The following PPARGC1A variants were observed in gnomAD, a reference collection of about 807,000 sequenced individuals.
PPARGC1A encodes the protein peroxisome proliferator-activated receptor gamma coactivator 1-alpha.
Under a neutral mutation model 88.7 loss-of-function variants are expected in PPARGC1A, and 25 were observed. That is an observed-to-expected ratio of 0.28 (90% CI 0.21 to 0.39). PPARGC1A has a LOEUF of 0.39. Ranked by LOEUF, PPARGC1A falls within the 10% of genes least tolerant of loss-of-function variation. The pLI, the probability that PPARGC1A is intolerant of heterozygous loss-of-function variation, is 1.00. For synonymous variants in PPARGC1A, 363 were observed against 355.6 expected, an observed-to-expected ratio of 1.02 and a Z score of -0.24; for missense variants, 880 against 968.7, an observed-to-expected ratio of 0.91 and a Z score of 1.22.
intron 2 of PPARGC1A, among the ~76,000 whole-genome samples, chr4:23,836,723 C>T (rs144474804): frequency 6.6e-6 from 1 of 152,252 alleles, no homozygotes; most frequent in East Asian, 1.9e-4. Context: ...GCCAGGGGCA[C>T]CTCTACATTA....
At chr4:23,857,091 A>G (rs1422174823) in intron 2 of PPARGC1A, among the ~76,000 whole-genome samples, 1 of 152,062 alleles carries the variant, frequency 6.6e-6, no homozygotes, top group Non-Finnish European at 1.5e-5. Flanking sequence ...AGAGACACAC[A>G]AATGATTTCT....
At chr4:24,009,498 G>C in the PPARGC1A span, among the ~76,000 whole-genome samples, 1 of 152,190 alleles carries the variant, frequency 6.6e-6, no homozygotes, top group Non-Finnish European at 1.5e-5. Context: ...CAGCCCATTA[G>C]GATGACAGGC....
At chr4:24,236,663 G>C in the PPARGC1A span, among the ~76,000 whole-genome samples, 1 of 152,136 alleles carries the variant, frequency 6.6e-6, no homozygotes, top group Non-Finnish European at 1.5e-5. Context: ...TGTGCCCTGA[G>C]CCTTTCAAAC....
At chr4:24,418,476 A>G in the PPARGC1A span, among the ~76,000 whole-genome samples, 1 of 152,214 alleles carries the variant, frequency 6.6e-6, no homozygotes, top group Non-Finnish European at 1.5e-5. Context: ...GAGAAGCAAC[A>G]CAGACATTCT....
chr4:23,966,289 A>G, the PPARGC1A span, among the ~76,000 whole-genome samples: 1 of 152,268 alleles, frequency 6.6e-6, no homozygotes, highest in East Asian at 1.9e-4. Flanking sequence ...TTCTGCAATC[A>G]TGGAAATGTT....
At chr4:24,049,308 G>GTGTATATATATATATA in the PPARGC1A span, among the ~76,000 whole-genome samples, 1,149 of 139,502 alleles carry the variant, frequency 8.2e-3, 8 homozygotes, top group Non-Finnish European at 0.012. Flanking sequence ...ATATATGTGT[G>GTGTATATATATATATA]TATATATATA....
the PPARGC1A span, among the ~76,000 whole-genome samples, chr4:24,119,465 G>A: frequency 6.6e-6 from 1 of 152,140 alleles, no homozygotes; most frequent in Non-Finnish European, 1.5e-5. Context: ...TGTGGCAACT[G>A]AGCAGTCAAA....
At chr4:24,374,784 T>C in the PPARGC1A span, among the ~76,000 whole-genome samples, 8 of 152,206 alleles carry the variant, frequency 5.3e-5, no homozygotes, top group African/African-American at 1.7e-4. Context: ...CCTCATACCA[T>C]GATGATGCAA....
At chr4:24,118,068 C>G in the PPARGC1A span, among the ~76,000 whole-genome samples, 3 of 152,142 alleles carry the variant, frequency 2.0e-5, no homozygotes, top group Non-Finnish European at 4.4e-5. Context: ...TTGGAAACCA[C>G]CTCTGATCCG....
the PPARGC1A span, among the ~76,000 whole-genome samples, chr4:24,043,629 G>T: frequency 1.3e-5 from 2 of 152,036 alleles, no homozygotes; most frequent in Non-Finnish European, 2.9e-5. Flanking sequence ...TCTACCCACT[G>T]CTCTCCAGTC....
the PPARGC1A span, among the ~76,000 whole-genome samples, chr4:24,438,878 A>G: frequency 6.6e-6 from 1 of 151,936 alleles, no homozygotes; most frequent in Non-Finnish European, 1.5e-5. Flanking sequence ...TCATTAGTCA[A>G]ATAAAAAAAT....
chr4:24,038,907 A>G, the PPARGC1A span, among the ~76,000 whole-genome samples: 1 of 152,314 alleles, frequency 6.6e-6, no homozygotes, highest in African/African-American at 2.4e-5. Context: ...GTATTTCCCC[A>G]CAGAACACTG....
the PPARGC1A span, among the ~76,000 whole-genome samples, chr4:24,128,546 G>GTGTGTC: frequency 7.0e-6 from 1 of 142,452 alleles, no homozygotes; most frequent in Admixed American, 6.8e-5. Flanking sequence ...GTGTGTGTGT[G>GTGTGTC]TGTGTGTGTG....
At chr4:23,902,354 C>A (rs1719509672), upstream of PPARGC1A, among the ~76,000 whole-genome samples, 1 of 152,004 alleles carries the variant, frequency 6.6e-6, no homozygotes, top group Non-Finnish European at 1.5e-5. Flanking sequence ...TAGAGCAGAG[C>A]CCCAGCAATG....
the PPARGC1A span, among the ~76,000 whole-genome samples, chr4:24,123,688 C>A: frequency 2.0e-5 from 3 of 152,034 alleles, no homozygotes; most frequent in African/African-American, 7.2e-5. Flanking sequence ...GGCACAGATG[C>A]AATTTTTTTA....
chr4:24,219,294 A>C, the PPARGC1A span, among the ~76,000 whole-genome samples: 1 of 152,212 alleles, frequency 6.6e-6, no homozygotes, highest in South Asian at 2.1e-4. Flanking sequence ...AACTCTTGTT[A>C]TCTGGCACCA....
At chr4:24,036,422 C>A in the PPARGC1A span, among the ~76,000 whole-genome samples, 1 of 152,118 alleles carries the variant, frequency 6.6e-6, no homozygotes, top group Non-Finnish European at 1.5e-5. Context: ...TATGTACATC[C>A]ACCGAAGCTC....
the PPARGC1A span, among the ~76,000 whole-genome samples, chr4:24,394,591 TAGG>T: frequency 6.6e-6 from 1 of 152,098 alleles, no homozygotes; most frequent in African/African-American, 2.4e-5. Context: ...ACTAAAGTAA[TAGG>T]AGAAGGGATG....
chr4:23,973,840 C>T, the PPARGC1A span, among the ~76,000 whole-genome samples: 2 of 151,890 alleles, frequency 1.3e-5, no homozygotes, highest in East Asian at 3.9e-4. Context: ...TGTGTTGGTG[C>T]CAGGATGGGT....
Sources: allele counts gnomAD v4.1 joint callset (sites outside exome capture counted in the v4.1 genomes callset), GRCh38; gene constraint gnomAD v4.1.1; transcripts MANE v1.5; gene names NCBI Gene and HGNC (gene_info 2026-07-23, HGNC 2026-07-21).